SRBD1: variants seen among roughly 807,000 people sequenced by gnomAD.
The protein encoded by SRBD1 is S1 RNA binding domain 1.
A neutral mutation model predicts 115.3 loss-of-function variants in SRBD1; 88 were observed. That is an observed-to-expected ratio of 0.76 (90% CI 0.64 to 0.91). The LOEUF (loss-of-function observed/expected upper bound fraction) is 0.91. Among genes scored for constraint, SRBD1 ranks in the 40% least tolerant of loss-of-function variants. SRBD1 has a pLI of 0.00. For synonymous variants in SRBD1, 509 were observed against 407.7 expected, an observed-to-expected ratio of 1.25 and a Z score of -2.99; for missense variants, 1,385 against 1,177.4, an observed-to-expected ratio of 1.18 and a Z score of -2.58.
intron 14 of SRBD1, among the ~76,000 whole-genome samples, chr2:45,490,369 C>A (rs887648599): frequency 3.3e-5 from 5 of 152,050 alleles, no homozygotes; most frequent in Admixed American, 6.5e-5. Context: ...TTCTAGCATT[C>A]ATTGATTACT....
At chr2:45,511,855 T>A (rs1670981851) in intron 14 of SRBD1, among the ~76,000 whole-genome samples, 1 of 152,188 alleles carries the variant, frequency 6.6e-6, no homozygotes, top group African/African-American at 2.4e-5. Context: ...TCTACTTACC[T>A]CATCAAGACT....
At chr2:45,456,235 C>G (rs7578429) in intron 16 of SRBD1, among the ~76,000 whole-genome samples, 120,100 of 151,708 alleles carry the variant, frequency 0.79, 48,255 homozygotes, top group African/African-American at 0.91. Flanking sequence ...AAGAATGAAA[C>G]AATTAGAAAA....
chr2:45,514,398 T>C (rs1285297656), intron 14 of SRBD1, among the ~76,000 whole-genome samples: 4 of 152,044 alleles, frequency 2.6e-5, no homozygotes, highest in African/African-American at 4.8e-5. Flanking sequence ...TTCACAAGTG[T>C]ATGAGTATGA....
chr2:45,442,072 C>A (rs1279952182), intron 16 of SRBD1, among the ~76,000 whole-genome samples: 1 of 152,134 alleles, frequency 6.6e-6, no homozygotes, highest in African/African-American at 2.4e-5. Context: ...CAAACATGAA[C>A]TAAAGTACAG....
rs765156998 is a variant in SRBD1 at position 45,488,246 on chromosome 2, T to C, written c.1960A>G (p.Ser654Gly). 9.9e-6 allele frequency: 16 copies of C among 1,613,714 alleles called. No homozygotes were observed. The East Asian group carries it at 3.3e-4, about 34-fold the overall frequency. ...ATGGTCCATAGTTTCTTACCTGCAC[T>C]TCTCAAATTAGGGTCCAGCCCTGGC... Reference protein sequence around the residue: ...EMPGLDPNLRSAVSIARRVQD... With the variant: ...EMPGLDPNLRGAVSIARRVQD... The change falls in exon 15 of 21, where the codon AGT becomes GGT. Residue 654 changes from serine (S) to glycine (G), a missense_variant. Physicochemically the swap from Ser to Gly is moderately conservative, Grantham distance 56. Coordinates refer to ENST00000263736, the MANE Select transcript of SRBD1 (RefSeq NM_018079.5).
intron 14 of SRBD1, among the ~76,000 whole-genome samples, chr2:45,541,314 C>T (rs1671928284): frequency 6.6e-6 from 1 of 152,200 alleles, no homozygotes. Flanking sequence ...GGTGCCATAG[C>T]CCTGGCTTAG....
chr2:45,559,046 C>T (rs576515420), intron 10 of SRBD1, among the ~76,000 whole-genome samples: 1 of 152,228 alleles, frequency 6.6e-6, no homozygotes, highest in South Asian at 2.1e-4. Context: ...AACCAATCCA[C>T]CCACCATTTA....
chr2:45,411,926 T>G lies in SRBD1; in HGVS notation c.2513+1188A>C, dbSNP rs560858095. On this transcript the variant is annotated intron_variant, in intron 19 of 20. Transcript: ENST00000263736. The stretch of plus-strand genomic sequence containing the variant: ...AGGAGTTTGAAACCAGCCTGGACAA[T>G]ACAGCGAAACTCTATCTCTACTAAA... Among the ~76,000 whole-genome samples, 10 of 152,084 alleles carry G rather than the reference T, an allele frequency of 6.6e-5. No homozygotes were observed. In the South Asian group the frequency reaches 2.1e-3, roughly 32 times the overall value.
rs528647810 is a variant in SRBD1 at position 45,489,312 on chromosome 2, G to C, written c.1875-981C>G. Among the ~76,000 whole-genome samples, 3 of 152,258 alleles carry C rather than the reference G, an allele frequency of 2.0e-5. No individual in the cohort carries two copies. The East Asian group carries it at 5.8e-4, about 29-fold the overall frequency. On this transcript the variant is annotated intron_variant, in intron 14 of 20. Transcript: ENST00000263736. ...AACCTCTCCCTTTCTCTGCTCCTCA[G>C]TATTTACTTCAATTGCATGAGGCAA...
chr2:45,585,010 C>T (rs897265761), intron 5 of SRBD1, among the ~76,000 whole-genome samples: 3 of 151,948 alleles, frequency 2.0e-5, no homozygotes, highest in Non-Finnish European at 1.5e-5. Context: ...ATTAGTGGGG[C>T]GTGGTGGCGC....
chr2:45,456,061 G>A (rs1669143159), intron 16 of SRBD1, among the ~76,000 whole-genome samples: 1 of 151,630 alleles, frequency 6.6e-6, no homozygotes, highest in Non-Finnish European at 1.5e-5. Context: ...ATAACCTCCT[G>A]GCAAATGCAA....
chr2:45,438,141 G>C lies in SRBD1; in HGVS notation c.2050-18247C>G, dbSNP rs370353643. Among the ~76,000 whole-genome samples the C allele has an allele frequency of 8.3e-4, 126 of 152,216 alleles. 1 individual carries two copies. In the South Asian group the frequency reaches 0.026, roughly 31 times the overall value. On this transcript the variant is annotated intron_variant, in intron 16 of 20. Coordinates refer to ENST00000263736, the MANE Select transcript of SRBD1 (RefSeq NM_018079.5). ...AAGATTTATATGGTAACTCTCTGTA[G>C]TTTTTGCTCTGTTGCGAACCTAAAA... is the stretch of plus-strand genomic sequence containing the variant.
At chr2:45,505,446 A>T (rs1670768228) in intron 14 of SRBD1, among the ~76,000 whole-genome samples, 1 of 152,176 alleles carries the variant, frequency 6.6e-6, no homozygotes, top group Non-Finnish European at 1.5e-5. Context: ...CCAGAGAAAC[A>T]TCCAACTCAA....
intron 8 of SRBD1, among the ~76,000 whole-genome samples, chr2:45,574,130 G>A (rs1242664763): frequency 1.3e-5 from 2 of 152,182 alleles, no homozygotes; most frequent in African/African-American, 4.8e-5. Context: ...AATTGGGACT[G>A]TGATGCCATA....
intron 9 of SRBD1, among the ~76,000 whole-genome samples, chr2:45,564,520 A>C (rs1388647574): frequency 2.0e-5 from 3 of 152,206 alleles, no homozygotes; most frequent in African/African-American, 7.2e-5. Context: ...ATCCACTACA[A>C]AACTATTAGA....
At chr2:45,511,831 C>T (rs924380015) in intron 14 of SRBD1, among the ~76,000 whole-genome samples, 3 of 152,156 alleles carry the variant, frequency 2.0e-5, no homozygotes, top group Admixed American at 6.5e-5. Context: ...ACAAACAGAT[C>T]ATTTCCTATT....
At chr2:45,424,162 C>T (rs1269300598) in intron 16 of SRBD1, among the ~76,000 whole-genome samples, 1 of 152,040 alleles carries the variant, frequency 6.6e-6, no homozygotes, top group Admixed American at 6.5e-5. Context: ...AATTTTTCTT[C>T]ACAGCATTTT....
chr2:45,508,079 A>G (rs1036634087), intron 14 of SRBD1, among the ~76,000 whole-genome samples: 1 of 152,206 alleles, frequency 6.6e-6, no homozygotes, highest in African/African-American at 2.4e-5. Flanking sequence ...AAAACACAAT[A>G]TGCTAAACAA....
In SRBD1 at chr2:45,389,114, T is replaced by C; in HGVS notation, c.*196A>G. The stretch of plus-strand genomic sequence containing the variant: ...ATAAGAATGTGTATTAGTTGTTTCC[T>C]TTAAGGGAAAAGGAAATCAAACTGT... On this transcript the variant is annotated 3_prime_UTR_variant, in exon 21 of 21. Coordinates refer to ENST00000263736, the MANE Select transcript of SRBD1 (RefSeq NM_018079.5). 1.5e-6 allele frequency: 1 copy of C among 668,296 alleles called. No homozygotes were observed. The highest frequency in any genetic ancestry group is 4.2e-4 in the Middle Eastern group (1 of 2,402). The allele number at this position is 668,296 out of a possible 1,614,324, so 41.4% of individuals were successfully genotyped here.
Sources: allele counts gnomAD v4.1 joint callset (sites outside exome capture counted in the v4.1 genomes callset), GRCh38; gene constraint gnomAD v4.1.1; transcripts MANE v1.5; gene names NCBI Gene and HGNC (gene_info 2026-07-23, HGNC 2026-07-21).